The following ZDHHC15 variants were observed in gnomAD, a reference collection of about 807,000 sequenced individuals.
ZDHHC15 encodes palmitoyltransferase ZDHHC15.
In ZDHHC15, 19 loss-of-function variants were observed where a neutral mutation model predicts 31.7. That is an observed-to-expected ratio of 0.60 (90% CI 0.42 to 0.88). ZDHHC15 has a LOEUF of 0.88. Ranked by LOEUF, ZDHHC15 falls within the 40% of genes least tolerant of loss-of-function variation. ZDHHC15 has a pLI of 0.00. For synonymous variants in ZDHHC15, 103 were observed against 90.0 expected, an observed-to-expected ratio of 1.14 and a Z score of -0.82; for missense variants, 209 against 251.2, an observed-to-expected ratio of 0.83 and a Z score of 1.14.
intron 10 of ZDHHC15, among the ~76,000 whole-genome samples, chrX:75,388,622 G>C (rs767732345): frequency 2.7e-5 from 3 of 111,660 alleles, no homozygotes; most frequent in Non-Finnish European, 5.6e-5. Flanking sequence ...AAAACTTAAT[G>C]CCAGAGAAAA....
At chrX:75,400,984 TA>T (rs2083349868) in intron 10 of ZDHHC15, among the ~76,000 whole-genome samples, 1 of 109,640 alleles carries the variant, frequency 9.1e-6, no homozygotes. Flanking sequence ...AAAGGAGCAC[TA>T]AATATAGAAA....
At position 75,370,749 on chromosome X, in the gene ZDHHC15, C is replaced by T. The variant is rs1239155401; in HGVS notation, c.*2229G>A. 2 of 110,990 alleles carry T rather than the reference C, an allele frequency of 1.8e-5. No individual in the cohort carries two copies. The highest frequency in any genetic ancestry group is 3.3e-5 in the African/African-American group (1 of 30,403). 9.1% of individuals were successfully genotyped at this position (110,990 alleles called of 1,213,427 possible). A position where few individuals can be genotyped will look rare whatever the true frequency, so the allele number is the denominator to read the frequency against. Reference sequence around the variant, plus strand: ...GTTTCTCCATGTTGGTCAGGCTGGTCTTGAACTCCCGACCTCAGGTGGTCC... The same window carrying T: ...GTTTCTCCATGTTGGTCAGGCTGGTTTTGAACTCCCGACCTCAGGTGGTCC... On this transcript the variant is annotated 3_prime_UTR_variant, in exon 12 of 12. Transcript: ENST00000373367.
chrX:75,401,006 C>T (rs968860566), intron 10 of ZDHHC15, among the ~76,000 whole-genome samples: 7 of 110,696 alleles, frequency 6.3e-5, no homozygotes, highest in Admixed American at 9.6e-5. Flanking sequence ...GGAAAGACTG[C>T]TACCAGTGAA....
intron 10 of ZDHHC15, among the ~76,000 whole-genome samples, chrX:75,416,079 G>A (rs920270322): frequency 1.7e-4 from 19 of 112,243 alleles, no homozygotes; most frequent in African/African-American, 5.8e-4. Flanking sequence ...GAGGAAGTAA[G>A]GGAGTTGCCC....
intron 5 of ZDHHC15, among the ~76,000 whole-genome samples, chrX:75,430,186 G>A (rs6647731): frequency 0.18 from 20,177 of 111,136 alleles, 1,969 homozygotes; most frequent in East Asian, 0.85. Flanking sequence ...GATCATGCCA[G>A]CAGCAAGTTA....
intron 10 of ZDHHC15, among the ~76,000 whole-genome samples, chrX:75,383,279 CTT>C (rs1293746530): frequency 8.9e-6 from 1 of 112,362 alleles, no homozygotes; most frequent in African/African-American, 3.2e-5. Flanking sequence ...TAGTTGCACA[CTT>C]TGAAATAATC....
chrX:75,491,416 T>A (rs1369607361), intron 2 of ZDHHC15, among the ~76,000 whole-genome samples: 4 of 93,600 alleles, frequency 4.3e-5, no homozygotes, highest in Non-Finnish European at 6.1e-5. Flanking sequence ...CATAGGTGGG[T>A]ATTGAACAAT....
At chrX:75,396,444 C>T (rs1273856954) in intron 10 of ZDHHC15, among the ~76,000 whole-genome samples, 1 of 111,436 alleles carries the variant, frequency 9.0e-6, no homozygotes, top group Non-Finnish European at 1.9e-5. Flanking sequence ...ATAATGAGAC[C>T]AAATCTCACC....
intron 10 of ZDHHC15, 47 bp from the exon 11 acceptor site, chrX:75,379,245 A>G (rs1331630114): frequency 1.7e-6 from 2 of 1,171,355 alleles, no homozygotes; most frequent in Non-Finnish European, 1.2e-6. Flanking sequence ...CGTGCCTTAT[A>G]TGGGTGGGTA....
chrX:75,522,200 G>T (rs993185880), intron 1 of ZDHHC15, among the ~76,000 whole-genome samples: 1 of 111,583 alleles, frequency 9.0e-6, no homozygotes, highest in Non-Finnish European at 1.9e-5. Context: ...ATGATTAAAT[G>T]GGGGGAGCCC....
intron 4 of ZDHHC15, among the ~76,000 whole-genome samples, chrX:75,447,794 C>G (rs2147902233): frequency 9.0e-6 from 1 of 111,601 alleles, no homozygotes; most frequent in South Asian, 3.8e-4. Flanking sequence ...GGACTTCCAC[C>G]AGGGGACACA....
intron 5 of ZDHHC15, among the ~76,000 whole-genome samples, chrX:75,430,977 G>C (rs780045066): frequency 1.3e-4 from 14 of 111,592 alleles, no homozygotes; most frequent in Non-Finnish European, 2.4e-4. Context: ...GCTAAGAGAA[G>C]CTAAGGAGAT....
At chrX:75,478,787 T>G in intron 3 of ZDHHC15, 104 bp downstream of exon 3, 1 of 599,568 alleles carries the variant, frequency 1.7e-6, no homozygotes, top group Non-Finnish European at 2.6e-6. Flanking sequence ...AAGATTACCC[T>G]GACTCTTTCG....
At chrX:75,417,240 G>T (rs749317239) in intron 9 of ZDHHC15, 50 bp from the exon 10 acceptor site, 2 of 927,367 alleles carry the variant, frequency 2.2e-6, no homozygotes, top group Admixed American at 4.8e-5. Flanking sequence ...ATAGACTTTT[G>T]TGAAGGTTAT....
At chrX:75,406,709 CAAAA>C (rs34310729) in intron 10 of ZDHHC15, among the ~76,000 whole-genome samples, 2 of 71,199 alleles carry the variant, frequency 2.8e-5, no homozygotes, top group African/African-American at 5.1e-5. Context: ...AGTCTTCCAT[CAAAA>C]AAAAAAAAAA....
chrX:75,458,414 C>T (rs2084258866), intron 3 of ZDHHC15, among the ~76,000 whole-genome samples: 1 of 111,529 alleles, frequency 9.0e-6, no homozygotes, highest in East Asian at 2.8e-4. Context: ...GGGAAACATT[C>T]ATCAAATTAT....
intron 2 of ZDHHC15, among the ~76,000 whole-genome samples, chrX:75,494,390 A>T (rs1204734568): frequency 2.0e-4 from 22 of 111,455 alleles, no homozygotes; most frequent in Non-Finnish European, 3.0e-4. Context: ...TGCCATCCCC[A>T]TCAAGCTACC....
In ZDHHC15 at chrX:75,369,628, G is replaced by C. The variant is rs1037821936; in HGVS notation, c.*3350C>G. 1 of 111,814 alleles carries C rather than the reference G, an allele frequency of 8.9e-6. No homozygotes were observed. Among genetic ancestry groups the C allele is most frequent in the Admixed American group, 9.5e-5 (1 of 10,518 alleles). 9.2% of individuals were successfully genotyped at this position (111,814 alleles called of 1,213,427 possible). ...GATTGGGCTCTATGGTGCCACAGGA[G>C]GTAATGGCACTGGTTGATGCCACAT... On this transcript the variant is annotated 3_prime_UTR_variant, in exon 12 of 12. Transcript: ENST00000373367.
chrX:75,382,417 G>A (rs1026463935), intron 10 of ZDHHC15, among the ~76,000 whole-genome samples: 1 of 111,821 alleles, frequency 8.9e-6, no homozygotes, highest in African/African-American at 3.3e-5. Flanking sequence ...GAAACATGGG[G>A]GAAAAGTTAC....
Sources: allele counts gnomAD v4.1 joint callset (sites outside exome capture counted in the v4.1 genomes callset), GRCh38; gene constraint gnomAD v4.1.1; transcripts MANE v1.5; gene names NCBI Gene and HGNC (gene_info 2026-07-23, HGNC 2026-07-21).